Variants in RBFOX1 observed in about 807,000 individuals in gnomAD.
RBFOX1 encodes RNA binding fox-1 homolog 1, also known as RNA binding protein fox-1 homolog 1.
Under a neutral mutation model 57.7 loss-of-function variants are expected in RBFOX1, and 8 were observed. That is an observed-to-expected ratio of 0.14 (90% CI 0.08 to 0.25). The LOEUF (loss-of-function observed/expected upper bound fraction) is 0.25, where lower values mean the gene tolerates loss of function less well. Among genes scored for constraint, RBFOX1 ranks in the 10% least tolerant of loss-of-function variants. The pLI is 1.00. For synonymous variants in RBFOX1, 326 were observed against 222.4 expected (o/e 1.47, Z -4.15); for missense variants, 611 against 548.5 (o/e 1.11, Z -1.14).
At chr16:7,260,246 C>T (rs1387703199) in intron 4 of RBFOX1, among the ~76,000 whole-genome samples, 1 of 152,164 alleles carries the variant, frequency 6.6e-6, no homozygotes, top group African/African-American at 2.4e-5. Flanking sequence ...AATAAGACTG[C>T]ATTTTCTTTA....
chr16:6,829,579 T>C (rs916744193), intron 3 of RBFOX1, among the ~76,000 whole-genome samples: 3 of 152,040 alleles, frequency 2.0e-5, no homozygotes, highest in Non-Finnish European at 4.4e-5. Flanking sequence ...CATAATCATG[T>C]GAGTAATATG....
chr16:6,791,586 C>G (rs1053459882), intron 3 of RBFOX1, among the ~76,000 whole-genome samples: 4 of 152,256 alleles, frequency 2.6e-5, no homozygotes, highest in African/African-American at 9.6e-5. Flanking sequence ...TGGTGAAACC[C>G]CATCTCTACT....
At chr16:7,029,005 C>A (rs7206185) in intron 3 of RBFOX1, among the ~76,000 whole-genome samples, 2 of 133,540 alleles carry the variant, frequency 1.5e-5, no homozygotes, top group African/African-American at 3.0e-5. Flanking sequence ...ACTTAACTAA[C>A]GGTTTCTAGT....
chr16:6,773,411 GTA>G (rs1381975531), intron 3 of RBFOX1, among the ~76,000 whole-genome samples: 3 of 149,414 alleles, frequency 2.0e-5, no homozygotes, highest in African/African-American at 7.4e-5. Flanking sequence ...GTATCTATGT[GTA>G]TGTGTGGGAG....
At chr16:6,063,173 T>C (rs77855177) in intron 1 of RBFOX1, among the ~76,000 whole-genome samples, 1 of 151,984 alleles carries the variant, frequency 6.6e-6, no homozygotes, top group Non-Finnish European at 1.5e-5. Context: ...CCCAGCATCC[T>C]TTATCATCTT....
In RBFOX1 at chr16:6,303,757, T is replaced by C. The variant is rs145080616; in HGVS notation, c.-126-13238T>C. ...TTGGGAGGCCGAGGAGGGTGGATCA[T>C]GAGGTCACGAGTTTGAGACCGGTCT... On this transcript the variant is annotated intron_variant, in intron 1 of 15. Transcript: ENST00000550418. Among the ~76,000 whole-genome samples the C allele has an allele frequency of 8.7e-3, 1,310 of 150,096 alleles. 25 individuals carry two copies. Among genetic ancestry groups the C allele is most frequent in the African/African-American group, 0.03 (1,227 of 40,930 alleles).
chr16:5,435,501 C>T lies in RBFOX1; in HGVS notation c.220-31715C>T, dbSNP rs193087783. Reference sequence around the variant, plus strand: ...CAGCCCACTACGATCCCTGGATCTCCCTCTGTAAGATGGGTCAGTGTCTTC... The same window carrying T: ...CAGCCCACTACGATCCCTGGATCTCTCTCTGTAAGATGGGTCAGTGTCTTC... On this transcript the variant is annotated intron_variant, in intron 1 of 2. Coordinates refer to the RBFOX1 transcript ENST00000585867. 3.3e-5 allele frequency among the ~76,000 whole-genome samples: 5 copies of T among 152,256 alleles called. No individual in the cohort carries two copies. In the East Asian group the frequency reaches 9.7e-4, roughly 29 times the overall value.
At chr16:5,843,417 A>G (rs1461121172) in intron 3 of RBFOX1, among the ~76,000 whole-genome samples, 1 of 152,214 alleles carries the variant, frequency 6.6e-6, no homozygotes, top group South Asian at 2.1e-4. Context: ...TTAGTTTGCC[A>G]AGGATAATGG....
chr16:7,653,794 C>CTG (rs749110548), intron 11 of RBFOX1, 21 bp from the exon 12 acceptor site: 26 of 1,607,672 alleles, frequency 1.6e-5, no homozygotes, highest in Admixed American at 6.7e-5. Context: ...CTCTCTCTCT[C>CTG]TCTCTCCTCT....
intron 1 of RBFOX1, among the ~76,000 whole-genome samples, chr16:6,022,445 C>T (rs1395153486): frequency 1.3e-5 from 2 of 152,094 alleles, no homozygotes; most frequent in Non-Finnish European, 2.9e-5. Flanking sequence ...CTCTGGGAGG[C>T]TGAGGTGGGC....
intron 3 of RBFOX1, among the ~76,000 whole-genome samples, chr16:6,856,207 G>T (rs952310318): frequency 6.6e-6 from 1 of 151,240 alleles, no homozygotes; most frequent in Non-Finnish European, 1.5e-5. Context: ...ACCAGATACT[G>T]TGCCAGCCAC....
chr16:7,651,950 C>G (rs1268752157), intron 11 of RBFOX1, among the ~76,000 whole-genome samples: 8 of 152,094 alleles, frequency 5.3e-5, no homozygotes, highest in East Asian at 1.9e-4. Flanking sequence ...GAGAAGCGAA[C>G]TGAGCTTGAA....
chr16:6,932,578 G>A (rs538055610), intron 3 of RBFOX1, among the ~76,000 whole-genome samples: 12 of 152,228 alleles, frequency 7.9e-5, no homozygotes, highest in Admixed American at 2.6e-4. Context: ...GCTGTAGGTC[G>A]TAGGCCTCAC....
intron 2 of RBFOX1, among the ~76,000 whole-genome samples, chr16:6,509,536 G>C (rs1022828346): frequency 6.6e-6 from 1 of 152,104 alleles, no homozygotes; most frequent in African/African-American, 2.4e-5. Context: ...CCAGAGGCCA[G>C]GAAGGATAGT....
intron 14 of RBFOX1, among the ~76,000 whole-genome samples, chr16:7,693,136 G>T (rs1427127806): frequency 6.6e-6 from 1 of 151,990 alleles, no homozygotes; most frequent in Non-Finnish European, 1.5e-5. Context: ...ACTTTAAGAG[G>T]TCCCCGCATG....
chr16:6,508,355 A>G (rs1372513792), intron 2 of RBFOX1, among the ~76,000 whole-genome samples: 1 of 152,162 alleles, frequency 6.6e-6, no homozygotes, highest in Non-Finnish European at 1.5e-5. Flanking sequence ...TTGTCCCCGA[A>G]CATAAAACTT....
intron 1 of RBFOX1, among the ~76,000 whole-genome samples, chr16:6,222,682 C>A (rs1252108898): frequency 2.2e-5 from 2 of 90,304 alleles, no homozygotes; most frequent in African/African-American, 7.7e-5. Flanking sequence ...ATTTTCTTTT[C>A]TTTTATTATT....
chr16:7,701,591 A>G (rs11644659), intron 14 of RBFOX1, among the ~76,000 whole-genome samples: 41,034 of 152,102 alleles, frequency 0.27, 5,658 homozygotes, highest in East Asian at 0.49. Flanking sequence ...CAAGAAGGCC[A>G]GGGACTTCTC....
intron 4 of RBFOX1, among the ~76,000 whole-genome samples, chr16:7,247,055 G>T (rs1480250970): frequency 6.6e-6 from 1 of 152,150 alleles, no homozygotes; most frequent in Non-Finnish European, 1.5e-5. Context: ...GCATGTGTCT[G>T]TAGTACAATG....
Sources: allele counts gnomAD v4.1 joint callset (sites outside exome capture counted in the v4.1 genomes callset), GRCh38; gene constraint gnomAD v4.1.1; transcripts MANE v1.5; gene names NCBI Gene and HGNC (gene_info 2026-07-23, HGNC 2026-07-21).